Variants in TBXAS1 observed in about 807,000 individuals in gnomAD.
TBXAS1 encodes thromboxane A synthase 1.
A neutral mutation model predicts 60.7 loss-of-function variants in TBXAS1; 48 were observed. That is an observed-to-expected ratio of 0.79 (90% CI 0.63 to 1.01). The LOEUF is 1.01. Ranked by LOEUF, TBXAS1 falls within the 50% of genes least tolerant of loss-of-function variation. The pLI, the probability that TBXAS1 is intolerant of heterozygous loss-of-function variation, is 0.00. For synonymous variants in TBXAS1, 287 were observed against 269.7 expected (o/e 1.06, Z -0.63); for missense variants, 685 against 686.3 (o/e 1.00, Z 0.02).
At chr7:139,863,687 T>C (rs1285360738) in intron 1 of TBXAS1, among the ~76,000 whole-genome samples, 1 of 152,146 alleles carries the variant, frequency 6.6e-6, no homozygotes, top group Non-Finnish European at 1.5e-5. Flanking sequence ...TGAACTAAAC[T>C]AATAACTTAA....
intron 3 of TBXAS1, among the ~76,000 whole-genome samples, chr7:139,877,793 G>A (rs1243373994): frequency 1.4e-5 from 2 of 146,472 alleles, no homozygotes; most frequent in South Asian, 2.2e-4. Flanking sequence ...GCAGTGGCGC[G>A]ATCTCGGCTC....
chr7:139,933,018 A>G (rs1807457779), intron 4 of TBXAS1, among the ~76,000 whole-genome samples: 1 of 152,294 alleles, frequency 6.6e-6, no homozygotes, highest in East Asian at 1.9e-4. Context: ...GATCACACCA[A>G]TGCACTACCG....
At chr7:139,820,819 C>A (rs1257753398) in intron 4 of TBXAS1, among the ~76,000 whole-genome samples, 1 of 152,080 alleles carries the variant, frequency 6.6e-6, no homozygotes, top group Non-Finnish European at 1.5e-5. Flanking sequence ...GCACCCTGTA[C>A]AAATTCAATA....
upstream of TBXAS1, among the ~76,000 whole-genome samples, chr7:139,828,384 T>C (rs540491178): frequency 6.6e-6 from 1 of 152,310 alleles, no homozygotes; most frequent in African/African-American, 2.4e-5. Context: ...CATTCAATAT[T>C]GGGGGATTGT....
intron 3 of TBXAS1, among the ~76,000 whole-genome samples, chr7:139,902,597 A>G (rs960497606): frequency 2.6e-5 from 4 of 152,108 alleles, no homozygotes; most frequent in Non-Finnish European, 4.4e-5. Flanking sequence ...TGTTCTGTGA[A>G]TGTAAGTTTT....
intron 3 of TBXAS1, among the ~76,000 whole-genome samples, chr7:139,903,783 AC>A (rs1804762309): frequency 6.6e-6 from 1 of 151,816 alleles, no homozygotes; most frequent in African/African-American, 2.4e-5. Flanking sequence ...TCCTTAGCCC[AC>A]TTTTTGATGG....
intron 9 of TBXAS1, among the ~76,000 whole-genome samples, chr7:139,969,134 A>C (rs943623641): frequency 6.6e-6 from 1 of 152,178 alleles, no homozygotes; most frequent in African/African-American, 2.4e-5. Context: ...GTTGTTATAA[A>C]TCTGCTGTGC....
chr7:139,837,562 T>C (rs1486685200), intron 1 of TBXAS1, among the ~76,000 whole-genome samples: 2 of 152,182 alleles, frequency 1.3e-5, no homozygotes, highest in Admixed American at 6.5e-5. Context: ...AACTCAGGAA[T>C]GGAAAACCAA....
chr7:139,852,935 TACACACACACACACACACACACACACAC>T lies in TBXAS1; in HGVS notation c.90-19272_90-19245del, dbSNP rs57545948. On this transcript the variant is annotated intron_variant, in intron 1 of 12. Coordinates refer to ENST00000448866, the MANE Select transcript of TBXAS1 (RefSeq NM_001061.7). The surrounding 1 kb of genome is among the most constrained non-coding windows in gnomAD (Gnocchi z 4.4). ...TGTGTACCAACCTTGGCTACTCCAA[TACACACACACACACACACACACACACAC>T]ACACACACACACACACACACACACA... 2.5e-3 allele frequency among the ~76,000 whole-genome samples: 320 copies of T among 127,504 alleles called. 1 individual carries two copies. The highest frequency in any genetic ancestry group is 8.4e-3 in the African/African-American group (289 of 34,600). The allele number at this position is 127,504 out of a possible 152,430, so 83.6% of individuals were successfully genotyped here. A position where few individuals can be genotyped will look rare whatever the true frequency, so the allele number is the denominator to read the frequency against.
At chr7:139,862,746 T>C (rs1801059598) in intron 1 of TBXAS1, among the ~76,000 whole-genome samples, 1 of 152,312 alleles carries the variant, frequency 6.6e-6, no homozygotes, top group East Asian at 1.9e-4. Context: ...ACTAACAAGA[T>C]TGGCTTTAGA....
intron 4 of TBXAS1, among the ~76,000 whole-genome samples, chr7:139,799,230 A>G (rs1176971733): frequency 8.2e-6 from 1 of 121,644 alleles, no homozygotes; most frequent in Non-Finnish European, 1.7e-5. Context: ...CATCAAGCCC[A>G]GCTAATTTTT....
At chr7:139,840,692 G>A (rs1428086020) in intron 1 of TBXAS1, among the ~76,000 whole-genome samples, 1 of 152,206 alleles carries the variant, frequency 6.6e-6, no homozygotes, top group Non-Finnish European at 1.5e-5. Flanking sequence ...AAGCTCTGAG[G>A]TTCCAGGGTT....
chr7:140,003,298 G>A (rs183218999), intron 9 of TBXAS1, among the ~76,000 whole-genome samples: 18 of 152,002 alleles, frequency 1.2e-4, no homozygotes, highest in East Asian at 7.8e-4. Context: ...TCCACCTCCC[G>A]GTTCAAGCGA....
At chr7:139,984,249 A>T (rs1371893468) in intron 9 of TBXAS1, among the ~76,000 whole-genome samples, 1 of 151,570 alleles carries the variant, frequency 6.6e-6, no homozygotes, top group Non-Finnish European at 1.5e-5. Flanking sequence ...CATACTTAGC[A>T]CATAGCCTGG....
intron 1 of TBXAS1, among the ~76,000 whole-genome samples, chr7:139,832,182 G>T (rs1798747997): frequency 6.6e-6 from 1 of 152,210 alleles, no homozygotes; most frequent in Non-Finnish European, 1.5e-5. Context: ...AACTGCGGAA[G>T]TGGGAAAGGG....
chr7:139,913,029 T>A, intron 4 of TBXAS1: 1 of 686,620 alleles, frequency 1.5e-6, no homozygotes, highest in Non-Finnish European at 2.7e-6. Context: ...GTGGAGTAAT[T>A]GGCCACTCAC....
At chr7:139,920,127 C>G (rs1276584150) in intron 4 of TBXAS1, among the ~76,000 whole-genome samples, 1 of 152,246 alleles carries the variant, frequency 6.6e-6, no homozygotes, top group Non-Finnish European at 1.5e-5. Flanking sequence ...CAGGGAGGGT[C>G]AGAGACTGTG....
At chr7:139,972,166 G>A (rs1811251507) in intron 9 of TBXAS1, among the ~76,000 whole-genome samples, 1 of 152,204 alleles carries the variant, frequency 6.6e-6, no homozygotes, top group Non-Finnish European at 1.5e-5. Flanking sequence ...CTGAGTCCCT[G>A]CAGAGCAGAG....
In TBXAS1 at chr7:139,898,309, C is replaced by T. The variant is rs1052630530; in HGVS notation, c.237-12916C>T. ...AGCCTGCTGGGAAATAAAACTGTCA[C>T]GGAGACAAGAAGTTCTCAGATGCTT... On this transcript the variant is annotated intron_variant, in intron 3 of 12. Transcript: ENST00000448866. 8.6e-5 allele frequency among the ~76,000 whole-genome samples: 13 copies of T among 151,606 alleles called. 1 individual carries two copies. Among genetic ancestry groups the T allele is most frequent in the South Asian group, 6.2e-4 (3 of 4,810 alleles).
Sources: gnomAD v4.1 joint callset for allele counts (sites outside exome capture counted in the v4.1 genomes callset) on GRCh38, gnomAD v4.1.1 for gene constraint, Gnocchi (gnomAD v3.1) non-coding constraint, MANE v1.5 for transcripts, NCBI Gene and HGNC (gene_info 2026-07-23, HGNC 2026-07-21) for gene names.